Variants in PCDH11X observed in about 807,000 individuals in gnomAD.
PCDH11X encodes the protein protocadherin-11 X-linked.
PCDH11X carries 18 observed loss-of-function variants against 53.3 expected under a neutral mutation model. The observed-to-expected ratio is 0.34, with a 90% CI of 0.23 to 0.50. The LOEUF (loss-of-function observed/expected upper bound fraction) is 0.50. PCDH11X is among the 20% of genes least tolerant of loss of function. The pLI, the probability that PCDH11X is intolerant of heterozygous loss-of-function variation, is 0.98. For synonymous variants in PCDH11X, 279 were observed against 393.3 expected, an observed-to-expected ratio of 0.71 and a Z score of 3.44; for missense variants, 570 against 1,032.4, an observed-to-expected ratio of 0.55 and a Z score of 6.14.
chrX:92,343,799 A>G lies in PCDH11X; in HGVS notation c.3145-43936A>G, dbSNP rs995959023. Among the ~76,000 whole-genome samples, 4 of 111,504 alleles carry G rather than the reference A, an allele frequency of 3.6e-5. No homozygotes were observed. In the South Asian group the frequency reaches 1.1e-3, roughly 31 times the overall value. On this transcript the variant is annotated intron_variant, in intron 8 of 10. Transcript: ENST00000682573. ...ATAGCATTCAATGCTATTTTTGGAC[A>G]TTCAATTATACATTATATGTAAACT...
chrX:92,489,163 C>A (rs913815774), intron 10 of PCDH11X, among the ~76,000 whole-genome samples: 10 of 109,901 alleles, frequency 9.1e-5, no homozygotes, highest in Admixed American at 7.9e-4. Flanking sequence ...AATAGAATGG[C>A]ATTTTTTAAA....
intron 10 of PCDH11X, among the ~76,000 whole-genome samples, chrX:92,593,696 G>T (rs1925276646): frequency 8.9e-6 from 1 of 111,767 alleles, no homozygotes; most frequent in African/African-American, 3.3e-5. Context: ...GCTAAAATTT[G>T]AAGGAGATCA....
chrX:92,181,892 G>T (rs7051691), intron 6 of PCDH11X, among the ~76,000 whole-genome samples: 3 of 112,704 alleles, frequency 2.7e-5, no homozygotes, highest in African/African-American at 6.4e-5. Context: ...TTCTGCTAGG[G>T]CAGTGCAGAA....
At chrX:92,350,155 T>C (rs1332272171) in intron 8 of PCDH11X, among the ~76,000 whole-genome samples, 1 of 109,848 alleles carries the variant, frequency 9.1e-6, no homozygotes, top group Admixed American at 9.8e-5. Flanking sequence ...TTTGATTTCC[T>C]TAAATTGGAC....
At chrX:92,048,229 C>G (rs1409057071) in intron 6 of PCDH11X, among the ~76,000 whole-genome samples, 6 of 86,126 alleles carry the variant, frequency 7.0e-5, no homozygotes, top group Non-Finnish European at 1.3e-4. Flanking sequence ...TGATATAAAG[C>G]TTTTCTTTTG....
At chrX:92,228,302 C>T (rs2067006336) in intron 7 of PCDH11X, among the ~76,000 whole-genome samples, 1 of 111,864 alleles carries the variant, frequency 8.9e-6, no homozygotes, top group Non-Finnish European at 1.9e-5. Flanking sequence ...CTGACATATA[C>T]TTACACAGTA....
intron 8 of PCDH11X, among the ~76,000 whole-genome samples, chrX:92,344,214 T>C (rs1392762462): frequency 9.3e-6 from 1 of 107,487 alleles, no homozygotes; most frequent in African/African-American, 3.4e-5. Flanking sequence ...ACTATGAGGC[T>C]AATGAATGAT....
At chrX:92,411,934 AGGGG>A (rs751195161) in intron 9 of PCDH11X, among the ~76,000 whole-genome samples, 1 of 25,732 alleles carries the variant, frequency 3.9e-5, no homozygotes, top group Non-Finnish European at 7.5e-5. Context: ...TGGGAGGAGG[AGGGG>A]GGAGGAGGAG....
At chrX:92,221,932 C>T (rs999272887) in intron 7 of PCDH11X, among the ~76,000 whole-genome samples, 2 of 110,462 alleles carry the variant, frequency 1.8e-5, no homozygotes, top group African/African-American at 6.6e-5. Context: ...CTCCTGGGTT[C>T]AAGATATTTT....
At chrX:92,303,146 G>T (rs1291771698) in intron 8 of PCDH11X, among the ~76,000 whole-genome samples, 1 of 110,342 alleles carries the variant, frequency 9.1e-6, no homozygotes, top group African/African-American at 3.3e-5. Context: ...AGATAGAAAG[G>T]TGAGAGGCAT....
At chrX:91,966,287 A>C (rs1344545118) in intron 6 of PCDH11X, among the ~76,000 whole-genome samples, 1 of 111,196 alleles carries the variant, frequency 9.0e-6, no homozygotes, top group East Asian at 2.8e-4. Context: ...CTATGGGACT[A>C]TTGGGTCAGT....
Position 92,468,302 on chromosome X carries a change from T to C in PCDH11X, c.3347T>C (p.Phe1116Ser). 1 of 1,152,688 alleles carries C rather than the reference T, an allele frequency of 8.7e-7. No homozygotes were observed. The highest frequency in any genetic ancestry group is 1.2e-6 in the Non-Finnish European group (1 of 862,861). The allele number at this position is 1,152,688 out of a possible 1,213,427, so 95.0% of individuals were successfully genotyped here. A position where few individuals can be genotyped will look rare whatever the true frequency, so the allele number is the denominator to read the frequency against. ...GDGNSDPEST[F>S]IPGLKKAAEI... The stretch of plus-strand genomic sequence containing the variant: ...CTTTATTAAAATTTCTTTTTAGCTT[T>C]CATACCTGGACTAAAGAAAGGTACA... The change falls in exon 10 of 11, where the codon TTC becomes TCC. Residue 1116 changes from phenylalanine (F) to serine (S), a missense_variant. Physicochemically the swap from Phe to Ser is radical, Grantham distance 155 (BLOSUM62 -2). Transcript: ENST00000682573.
chrX:92,049,528 G>A lies in PCDH11X; in HGVS notation c.3034-151847G>A, dbSNP rs1018227260. ...CTTAAGGAGAGTCACATCATTTCTT[G>A]AAAAATTAATTGGAATTTTAATTTT... is the stretch of plus-strand genomic sequence containing the variant. On this transcript the variant is annotated intron_variant, in intron 6 of 10. Coordinates refer to ENST00000682573, the MANE Select transcript of PCDH11X (RefSeq NM_032968.5). Among the ~76,000 whole-genome samples the A allele has an allele frequency of 3.6e-5, 4 of 110,234 alleles. No homozygotes were observed. In the Admixed American group the frequency reaches 3.9e-4, roughly 11 times the overall value.
At position 92,464,348 on chromosome X, in the gene PCDH11X, G is replaced by A. The variant is rs9698563; in HGVS notation, c.3344-3951G>A. Among the ~76,000 whole-genome samples, 1,025 of 110,516 alleles carry A rather than the reference G, an allele frequency of 9.3e-3. 11 individuals carry two copies. Among genetic ancestry groups the A allele is most frequent in the African/African-American group, 0.032 (976 of 30,379 alleles). ...CTGGTAGGAGGTAATTGAATCATGG[G>A]GACAGTTACCCCCATACTGTTCTTA... On this transcript the variant is annotated intron_variant, in intron 9 of 10. Coordinates refer to ENST00000682573, the MANE Select transcript of PCDH11X (RefSeq NM_032968.5).
At chrX:92,308,370 C>T (rs894561200) in intron 8 of PCDH11X, among the ~76,000 whole-genome samples, 7 of 111,174 alleles carry the variant, frequency 6.3e-5, no homozygotes, top group Non-Finnish European at 1.3e-4. Flanking sequence ...AAATGATTTT[C>T]GCCAAGAGTA....
chrX:92,139,466 G>T (rs1365882090), intron 6 of PCDH11X, among the ~76,000 whole-genome samples: 2 of 108,187 alleles, frequency 1.8e-5, no homozygotes, highest in Non-Finnish European at 1.9e-5. Flanking sequence ...GTTTCGCCAT[G>T]TTGACCAGGG....
At chrX:92,183,294 T>C (rs2066028964) in intron 6 of PCDH11X, among the ~76,000 whole-genome samples, 1 of 104,128 alleles carries the variant, frequency 9.6e-6, no homozygotes, top group Non-Finnish European at 2.0e-5. Context: ...TTCACTCTTG[T>C]TGCCCAGTCT....
intron 6 of PCDH11X, among the ~76,000 whole-genome samples, chrX:92,006,231 A>G (rs893278075): frequency 6.8e-4 from 75 of 110,623 alleles, no homozygotes; most frequent in Non-Finnish European, 1.3e-3. Context: ...TTCAAGGCTA[A>G]TAACTCTTAA....
At chrX:92,341,260 C>A (rs1466357580) in intron 8 of PCDH11X, among the ~76,000 whole-genome samples, 1 of 111,709 alleles carries the variant, frequency 9.0e-6, no homozygotes, top group African/African-American at 3.3e-5. Flanking sequence ...TCTCTAAGAA[C>A]TTCCAAACTT....
Sources: allele counts gnomAD v4.1 joint callset (sites outside exome capture counted in the v4.1 genomes callset), GRCh38; gene constraint gnomAD v4.1.1; transcripts MANE v1.5; gene names NCBI Gene and HGNC (gene_info 2026-07-23, HGNC 2026-07-21).